Variants in MS4A3 observed in about 807,000 individuals in gnomAD.
The protein encoded by MS4A3 is membrane spanning 4-domains A3.
Under a neutral mutation model 24.7 loss-of-function variants are expected in MS4A3, and 18 were observed. The observed-to-expected ratio is 0.73, with a 90% CI of 0.50 to 1.08. The LOEUF is 1.08. Among genes scored for constraint, MS4A3 ranks in the 50% least tolerant of loss-of-function variants. MS4A3 has a pLI of 0.00. For missense variants in MS4A3, 282 were observed against 251.7 expected, an observed-to-expected ratio of 1.12 and a Z score of -0.82; for synonymous variants, 84 against 95.3, an observed-to-expected ratio of 0.88 and a Z score of 0.69.
Position 60,069,670 on chromosome 11 carries a change from A to T in MS4A3, c.610A>T (p.Arg204Ter), listed in dbSNP as rs767440511. The T allele has an allele frequency of 6.2e-7, 1 of 1,607,412 alleles. No homozygotes were observed. The highest frequency in any genetic ancestry group is 8.5e-7 in the Non-Finnish European group (1 of 1,174,118). ...MWCNANCCNS[R>*]EEISSPPNSV is the part of the protein sequence containing the mutation. The stretch of plus-strand genomic sequence containing the variant: ...GTGCAATGCAAACTGCTGTAATTCA[A>T]GAGAGGTGAGATTTTTCAAATGATT... Residue 204 changes from arginine to a stop codon, truncating the protein, a stop_gained, in exon 6 of 7, where the codon AGA becomes TGA. Transcript: ENST00000278865. LOFTEE classifies it high-confidence loss of function.
intron 2 of MS4A3, chr11:60,061,652 CTG>C: frequency 3.4e-6 from 1 of 290,118 alleles, no homozygotes; most frequent in South Asian, 3.4e-5. Flanking sequence ...TGATAATCGA[CTG>C]TTTATATTAA....
At chr11:60,069,432 T>C in intron 5 of MS4A3, 142 bp from the exon 6 acceptor site, 1 of 629,960 alleles carries the variant, frequency 1.6e-6, no homozygotes, top group East Asian at 2.6e-5. Context: ...TACAGTGTTA[T>C]ATGTGTCTCT....
intron 6 of MS4A3, among the ~76,000 whole-genome samples, chr11:60,069,928 T>C (rs549917226): frequency 7.9e-5 from 12 of 152,342 alleles, no homozygotes; most frequent in African/African-American, 2.6e-4. Flanking sequence ...AGTTTTATTA[T>C]TTTCTTATAA....
intron 2 of MS4A3, 196 bp downstream of exon 2, chr11:60,061,512 A>G: frequency 1.5e-6 from 1 of 685,950 alleles, no homozygotes. Flanking sequence ...GAAGAGGATG[A>G]GGATGAAGAC....
intron 6 of MS4A3, 40 bp from the exon 7 acceptor site, chr11:60,070,164 T>C (rs1175584944): frequency 6.5e-7 from 1 of 1,546,694 alleles, no homozygotes; most frequent in African/African-American, 1.4e-5. Flanking sequence ...AAGGAGATAA[T>C]GATCCTGTTC....
chr11:60,061,431 C>T, intron 2 of MS4A3, 115 bp downstream of exon 2: 1 of 1,263,276 alleles, frequency 7.9e-7, no homozygotes, highest in South Asian at 1.4e-5. Context: ...ATTTCTTCCA[C>T]CTCTGTTTGC....
intron 4 of MS4A3, among the ~76,000 whole-genome samples, chr11:60,065,483 T>C (rs1295988996): frequency 1.3e-5 from 2 of 152,240 alleles, no homozygotes; most frequent in African/African-American, 4.8e-5. Context: ...CTTCTGTAGC[T>C]AAACTCCTTC....
chr11:60,068,009 G>A (rs937343074), intron 5 of MS4A3, among the ~76,000 whole-genome samples: 6 of 151,788 alleles, frequency 4.0e-5, no homozygotes, highest in Admixed American at 2.0e-4. Context: ...CCGAGATTGC[G>A]CCATTGCACT....
At chr11:60,066,903 T>A (rs779881451) in intron 4 of MS4A3, 48 bp from the exon 5 acceptor site, 1 of 1,388,004 alleles carries the variant, frequency 7.2e-7, no homozygotes. Flanking sequence ...GCCAAAGGAA[T>A]GAAGTACGTG....
chr11:60,057,491 G>A (rs570640945), intron 1 of MS4A3, among the ~76,000 whole-genome samples: 2 of 152,206 alleles, frequency 1.3e-5, no homozygotes, highest in African/African-American at 4.8e-5. Flanking sequence ...TGCAAACTCC[G>A]CCTCATGGGT....
At chr11:60,067,210 A>AACT (rs1855376834) in intron 5 of MS4A3, 98 bp downstream of exon 5, 52 of 835,992 alleles carry the variant, frequency 6.2e-5, no homozygotes, top group Non-Finnish European at 7.5e-5. Context: ...CATAATTTGA[A>AACT]TCTTTTTTTT....
intron 1 of MS4A3, among the ~76,000 whole-genome samples, chr11:60,057,507 C>T (rs957248169): frequency 8.5e-5 from 13 of 152,140 alleles, no homozygotes; most frequent in African/African-American, 3.1e-4. Context: ...TGGGTTCAAA[C>T]AATTCTCCTG....
intron 3 of MS4A3, chr11:60,062,812 A>G (rs1341761099): frequency 3.0e-6 from 1 of 333,246 alleles, no homozygotes; most frequent in Non-Finnish European, 5.0e-6. Flanking sequence ...ATTTTTTGAG[A>G]CAAAGTCTCG....
At position 60,062,371 on chromosome 11, in the gene MS4A3, C is replaced by T. The variant is rs757358543; in HGVS notation, c.157-97C>T. ...GGCTTGACACTTTAACCATTTCAAG[C>T]ACCGACATCTCCTTTCTGAGGAAAA... On this transcript the variant is annotated intron_variant, in intron 2 of 6. Transcript: ENST00000278865. The T allele has an allele frequency of 1.3e-5, 18 of 1,433,912 alleles. No homozygotes were observed. The South Asian group carries it at 1.4e-4, about 11-fold the overall frequency. 88.8% of individuals were successfully genotyped at this position (1,433,912 alleles called of 1,614,324 possible).
chr11:60,064,775 A>T (rs2134663928), intron 4 of MS4A3, among the ~76,000 whole-genome samples: 1 of 152,126 alleles, frequency 6.6e-6, no homozygotes. Flanking sequence ...TTACCATTTT[A>T]TTGTATCCTC....
chr11:60,068,473 C>G (rs1278047533), intron 5 of MS4A3, among the ~76,000 whole-genome samples: 2 of 148,580 alleles, frequency 1.3e-5, no homozygotes, highest in African/African-American at 2.5e-5. Flanking sequence ...AGGATGGTCT[C>G]GATCTCCTGA....
chr11:60,059,856 T>G (rs1855244621), intron 1 of MS4A3, among the ~76,000 whole-genome samples: 1 of 152,184 alleles, frequency 6.6e-6, no homozygotes, highest in Non-Finnish European at 1.5e-5. Context: ...CGTGCATGTG[T>G]TTTATGGTAG....
In MS4A3 at chr11:60,071,011, C is replaced by G. The variant is rs1160432720; in HGVS notation, c.*778C>G. On this transcript the variant is annotated 3_prime_UTR_variant, in exon 7 of 7. Transcript: ENST00000278865. Reference sequence around the variant, plus strand: ...TGAACATGGGCAAATTATCTAATCTCTCTGATCTATTTTTCCTCATCTGTA... The same window carrying G: ...TGAACATGGGCAAATTATCTAATCTGTCTGATCTATTTTTCCTCATCTGTA... 2.0e-5 allele frequency: 3 copies of G among 152,212 alleles called. No individual in the cohort carries two copies. Among genetic ancestry groups the G allele is most frequent in the Non-Finnish European group, 4.4e-5 (3 of 68,042 alleles). 9.4% of individuals were successfully genotyped at this position (152,212 alleles called of 1,614,324 possible). A position where few individuals can be genotyped will look rare whatever the true frequency, so the allele number is the denominator to read the frequency against.
intron 5 of MS4A3, among the ~76,000 whole-genome samples, chr11:60,067,875 G>A (rs1855394516): frequency 6.6e-6 from 1 of 150,708 alleles, no homozygotes; most frequent in Non-Finnish European, 1.5e-5. Flanking sequence ...GTGAAACCCC[G>A]TCTCTACTAA....
Sources: gnomAD v4.1 joint callset for allele counts (sites outside exome capture counted in the v4.1 genomes callset) on GRCh38, gnomAD v4.1.1 for gene constraint, MANE v1.5 for transcripts, NCBI Gene and HGNC (gene_info 2026-07-23, HGNC 2026-07-21) for gene names.